The following CPPED1 variants were observed in gnomAD, a reference collection of about 807,000 sequenced individuals.
The protein encoded by CPPED1 is serine/threonine-protein phosphatase CPPED1.
In CPPED1, 28 loss-of-function variants were observed where a neutral mutation model predicts 28.0. The observed-to-expected ratio is 1.00, with a 90% CI of 0.74 to 1.37. CPPED1 has a LOEUF of 1.37. Ranked by LOEUF, CPPED1 falls within the 40% of genes most tolerant of loss-of-function variation. CPPED1 has a pLI of 0.00. For missense variants in CPPED1, 504 were observed against 416.5 expected (o/e 1.21, Z -1.83); for synonymous variants, 198 against 180.2 (o/e 1.10, Z -0.79).
chr16:12,762,259 G>C (rs564205719), intron 2 of CPPED1, among the ~76,000 whole-genome samples: 4 of 152,174 alleles, frequency 2.6e-5, no homozygotes, highest in South Asian at 2.1e-4. Flanking sequence ...GGGGGAAGAG[G>C]GTAACGCCAC....
intron 3 of CPPED1, among the ~76,000 whole-genome samples, chr16:12,690,103 C>CT (rs201949268): frequency 6.5e-4 from 99 of 151,372 alleles, no homozygotes; most frequent in African/African-American, 2.0e-3. Context: ...TTTAAGTGAG[C>CT]TTTTTTTTTG....
Position 12,664,361 on chromosome 16 carries a change from A to G in CPPED1, c.*525T>C. 1.0e-5 allele frequency: 10 copies of G among 992,112 alleles called. No individual in the cohort carries two copies. Among genetic ancestry groups the G allele is most frequent in the Non-Finnish European group, 1.2e-5 (10 of 834,772 alleles). The allele number at this position is 992,112 out of a possible 1,614,324, so 61.5% of individuals were successfully genotyped here. On this transcript the variant is annotated 3_prime_UTR_variant, in exon 4 of 4. Transcript: ENST00000381774. This position sits in a 1 kb window ranked among gnomAD's most constrained non-coding sequence, Gnocchi z 4.2. ...GGTGCCTACTTGGCTCCTTGTCAAA[A>G]TAAGTCTGCATGGCTCTCACAACAA...
chr16:12,727,872 C>T (rs892722764), intron 2 of CPPED1, among the ~76,000 whole-genome samples: 1 of 152,192 alleles, frequency 6.6e-6, no homozygotes, highest in Non-Finnish European at 1.5e-5. Context: ...CTCCTACAGT[C>T]ATCTTCACCT....
chr16:12,748,171 G>A (rs2080303432), intron 2 of CPPED1, among the ~76,000 whole-genome samples: 2 of 152,200 alleles, frequency 1.3e-5, no homozygotes, highest in Admixed American at 1.3e-4. Flanking sequence ...CTCACTCATA[G>A]TGGCATAATT....
intron 2 of CPPED1, among the ~76,000 whole-genome samples, chr16:12,741,295 C>T (rs780142194): frequency 2.0e-4 from 25 of 124,414 alleles, no homozygotes; most frequent in Non-Finnish European, 3.5e-4. Flanking sequence ...CCTCCTCTGG[C>T]TGCCCTTTTT....
At chr16:12,756,655 C>T (rs568507424) in intron 2 of CPPED1, among the ~76,000 whole-genome samples, 427 of 151,728 alleles carry the variant, frequency 2.8e-3, no homozygotes, top group African/African-American at 8.3e-3. Flanking sequence ...TGCAGTGAGC[C>T]GAGATACCAC....
chr16:12,802,467 G>A (rs2080666491), intron 1 of CPPED1, among the ~76,000 whole-genome samples: 1 of 152,124 alleles, frequency 6.6e-6, no homozygotes, highest in Admixed American at 6.5e-5. Flanking sequence ...CGGGCGTGGT[G>A]GTGCGTGCCT....
At chr16:12,787,829 T>C (rs1253004726) in intron 1 of CPPED1, among the ~76,000 whole-genome samples, 1 of 152,208 alleles carries the variant, frequency 6.6e-6, no homozygotes, top group Non-Finnish European at 1.5e-5. Flanking sequence ...ATTTATTATC[T>C]TATAGCCTCT....
intron 2 of CPPED1, among the ~76,000 whole-genome samples, chr16:12,748,272 C>T (rs557550016): frequency 6.6e-6 from 1 of 152,184 alleles, no homozygotes; most frequent in Admixed American, 6.5e-5. Flanking sequence ...TAATACTCTA[C>T]AACAATGAAA....
intron 2 of CPPED1, among the ~76,000 whole-genome samples, chr16:12,738,022 C>T (rs1212180077): frequency 6.6e-6 from 1 of 152,078 alleles, no homozygotes; most frequent in Admixed American, 6.5e-5. Flanking sequence ...AACACGGTAC[C>T]CGACGCAGGT....
intron 1 of CPPED1, among the ~76,000 whole-genome samples, chr16:12,792,635 T>G (rs1049018642): frequency 6.6e-6 from 1 of 152,128 alleles, no homozygotes; most frequent in African/African-American, 2.4e-5. Context: ...AATTCCCACA[T>G]GTCATGGGAA....
chr16:12,795,649 T>C (rs2080623256), intron 1 of CPPED1, among the ~76,000 whole-genome samples: 1 of 152,210 alleles, frequency 6.6e-6, no homozygotes, highest in South Asian at 2.1e-4. Flanking sequence ...CAACAACTTC[T>C]ATTGGTTTGA....
At chr16:12,766,645 T>C (rs1275786139) in intron 2 of CPPED1, among the ~76,000 whole-genome samples, 1 of 152,124 alleles carries the variant, frequency 6.6e-6, no homozygotes, top group Non-Finnish European at 1.5e-5. Context: ...GGCGGGCACC[T>C]GTAATCCCAG....
At chr16:12,789,285 A>G (rs558441004) in intron 1 of CPPED1, among the ~76,000 whole-genome samples, 1 of 152,280 alleles carries the variant, frequency 6.6e-6, no homozygotes, top group South Asian at 2.1e-4. Context: ...ACCCTTATCT[A>G]TGGTAATCTT....
At chr16:12,783,034 G>C (rs2080541680) in intron 1 of CPPED1, among the ~76,000 whole-genome samples, 1 of 152,288 alleles carries the variant, frequency 6.6e-6, no homozygotes, top group Non-Finnish European at 1.5e-5. Flanking sequence ...GGGAGCCTTT[G>C]CTTTGCCAGG....
intron 2 of CPPED1, among the ~76,000 whole-genome samples, chr16:12,719,663 G>A (rs554155727): frequency 5.3e-5 from 8 of 152,152 alleles, no homozygotes; most frequent in African/African-American, 1.7e-4. Context: ...GGCCAGGCGC[G>A]GTCACTCACG....
intron 2 of CPPED1, among the ~76,000 whole-genome samples, chr16:12,715,323 G>A (rs1400245251): frequency 6.6e-6 from 1 of 152,106 alleles, no homozygotes; most frequent in Non-Finnish European, 1.5e-5. Flanking sequence ...TGGTAACTGT[G>A]TAATCAAGGA....
chr16:12,769,952 C>T (rs543962042), intron 2 of CPPED1, among the ~76,000 whole-genome samples: 22 of 152,198 alleles, frequency 1.4e-4, no homozygotes, highest in South Asian at 1.2e-3. Flanking sequence ...GACACAGCTG[C>T]GGAAATAAAC....
chr16:12,691,795 C>G (rs1403465481), intron 3 of CPPED1, among the ~76,000 whole-genome samples: 1 of 107,788 alleles, frequency 9.3e-6, no homozygotes, highest in African/African-American at 4.9e-5. Context: ...GGGAACATCA[C>G]ACGCTGGGGA....
Sources: allele counts gnomAD v4.1 joint callset (sites outside exome capture counted in the v4.1 genomes callset), GRCh38; gene constraint gnomAD v4.1.1; non-coding constraint Gnocchi (gnomAD v3.1); transcripts MANE v1.5; gene names NCBI Gene and HGNC (gene_info 2026-07-23, HGNC 2026-07-21).